RABEP1: variants seen among roughly 807,000 people sequenced by gnomAD.
RABEP1 encodes rabaptin, RAB GTPase binding effector protein 1.
In RABEP1, 51 loss-of-function variants were observed where a neutral mutation model predicts 123.4. The observed-to-expected ratio is 0.41, with a 90% CI of 0.33 to 0.52. The LOEUF is 0.52. RABEP1 is among the 20% of genes least tolerant of loss of function. The pLI is 0.16. For missense variants in RABEP1, 888 were observed against 996.3 expected, an observed-to-expected ratio of 0.89 and a Z score of 1.46; for synonymous variants, 347 against 355.2, an observed-to-expected ratio of 0.98 and a Z score of 0.26.
chr17:5,337,533 T>TA (rs201609240), intron 4 of RABEP1, among the ~76,000 whole-genome samples: 40 of 148,990 alleles, frequency 2.7e-4, no homozygotes, highest in African/African-American at 7.6e-4. Flanking sequence ...AAAATAATAA[T>TA]AAAAAAAAAA....
At chr17:5,331,617 C>T (rs1906553858) in intron 2 of RABEP1, among the ~76,000 whole-genome samples, 2 of 152,144 alleles carry the variant, frequency 1.3e-5, no homozygotes, top group East Asian at 3.9e-4. Flanking sequence ...AATAAATTAT[C>T]ATTACAACAA....
chr17:5,306,628 A>G (rs78677878), intron 1 of RABEP1, among the ~76,000 whole-genome samples: 1 of 48,126 alleles, frequency 2.1e-5, no homozygotes, highest in Admixed American at 1.9e-4. Context: ...ACTCTGTCTG[A>G]AAAAAAAAAA....
chr17:5,287,472 G>A (rs1335938392), intron 1 of RABEP1, among the ~76,000 whole-genome samples: 2 of 151,890 alleles, frequency 1.3e-5, no homozygotes, highest in African/African-American at 2.4e-5. Flanking sequence ...GGTGGCACGC[G>A]CCTGTAATCC....
intron 13 of RABEP1, among the ~76,000 whole-genome samples, chr17:5,375,889 T>TA (rs201633896): frequency 8.6e-5 from 13 of 151,868 alleles, no homozygotes; most frequent in African/African-American, 2.9e-4. Context: ...TTTATTTATT[T>TA]TGAGACAGAG....
intron 2 of RABEP1, among the ~76,000 whole-genome samples, chr17:5,312,494 A>C (rs1342786040): frequency 6.6e-6 from 1 of 152,158 alleles, no homozygotes; most frequent in Non-Finnish European, 1.5e-5. Flanking sequence ...AACCATAGTA[A>C]AATACTATAT....
rs985705653 is a variant in RABEP1, at chr17:5,282,301, G to C, written c.-186G>C. 4.8e-6 allele frequency: 2 copies of C among 412,872 alleles called. No individual in the cohort carries two copies. Among genetic ancestry groups the C allele is most frequent in the East Asian group, 7.1e-5 (2 of 28,002 alleles). 25.6% of individuals were successfully genotyped at this position (412,872 alleles called of 1,614,324 possible). On this transcript the variant is annotated 5_prime_UTR_variant, in exon 1 of 18. Transcript: ENST00000537505. ...TTCCCGCTGTCAGGATGAGGAGGCG[G>C]AGGTCGGCGGTCGGGTCCGTCTCTG...
chr17:5,335,153 T>C, intron 3 of RABEP1, 31 bp from the exon 4 acceptor site: 1 of 1,552,102 alleles, frequency 6.4e-7, no homozygotes, highest in Non-Finnish European at 8.7e-7. Context: ...TCATAATGCT[T>C]AGATGTGAAA....
At chr17:5,350,757 CT>C (rs1597376709) in intron 7 of RABEP1, 128 bp downstream of exon 7, 2 of 996,728 alleles carry the variant, frequency 2.0e-6, no homozygotes, top group East Asian at 2.8e-5. Context: ...ATATGTGCCA[CT>C]TTTAAAAACA....
intron 10 of RABEP1, 43 bp from the exon 11 acceptor site, chr17:5,365,079 A>G (rs1420190527): frequency 7.5e-7 from 1 of 1,334,966 alleles, no homozygotes; most frequent in Non-Finnish European, 1.0e-6. Flanking sequence ...AAAAAATTAT[A>G]AAAGGATTCT....
intron 2 of RABEP1, among the ~76,000 whole-genome samples, chr17:5,325,902 C>T (rs1471366560): frequency 6.6e-6 from 1 of 152,152 alleles, no homozygotes; most frequent in Non-Finnish European, 1.5e-5. Context: ...AAGACCCAAA[C>T]ACCTCACTAA....
chr17:5,285,868 TATC>T (rs76525749), intron 1 of RABEP1, among the ~76,000 whole-genome samples: 92,251 of 151,732 alleles, frequency 0.61, 29,736 homozygotes, highest in East Asian at 0.97. Flanking sequence ...AAGACGATCT[TATC>T]ATATGCATGT....
rs1049512142 is a variant in RABEP1, at chr17:5,309,429, G to A, written c.163+607G>A. 4.7e-5 allele frequency among the ~76,000 whole-genome samples: 7 copies of A among 150,242 alleles called. 1 individual carries two copies. The East Asian group carries it at 7.7e-4, about 17-fold the overall frequency. Reference sequence around the variant, plus strand: ...CTTTGGGAGGCCAACGGGCGGGGGCGGATCACCTGAGGTCGGGAGTTCAAG... The same window carrying A: ...CTTTGGGAGGCCAACGGGCGGGGGCAGATCACCTGAGGTCGGGAGTTCAAG... On this transcript the variant is annotated intron_variant, in intron 2 of 17. Transcript: ENST00000537505.
intron 2 of RABEP1, among the ~76,000 whole-genome samples, chr17:5,310,319 T>TTTTTTTTTTG (rs2075225193): frequency 6.7e-6 from 1 of 149,996 alleles, no homozygotes; most frequent in African/African-American, 2.4e-5. Flanking sequence ...TTTTTTTTTT[T>TTTTTTTTTTG]GAGATGGGAG....
intron 1 of RABEP1, among the ~76,000 whole-genome samples, chr17:5,306,215 CAGAA>C (rs2075178231): frequency 6.9e-6 from 1 of 144,712 alleles, no homozygotes; most frequent in Admixed American, 6.9e-5. Flanking sequence ...AATCTTCTAA[CAGAA>C]AGCCTATTGT....
chr17:5,329,157 C>T (rs1906275939), intron 2 of RABEP1, among the ~76,000 whole-genome samples: 1 of 151,202 alleles, frequency 6.6e-6, no homozygotes, highest in Non-Finnish European at 1.5e-5. Flanking sequence ...TTTAGAGATG[C>T]ATCTGTACAG....
intron 5 of RABEP1, among the ~76,000 whole-genome samples, chr17:5,343,717 C>A (rs1421550850): frequency 8.0e-6 from 1 of 125,554 alleles, no homozygotes; most frequent in African/African-American, 3.2e-5. Context: ...GCTGTGTTGC[C>A]TAGGCTGGAG....
chr17:5,293,201 C>T lies in RABEP1; in HGVS notation c.34+10681C>T, dbSNP rs1002413154. On this transcript the variant is annotated intron_variant, in intron 1 of 17. Coordinates refer to ENST00000537505, the MANE Select transcript of RABEP1 (RefSeq NM_004703.6). ...ACTTGGGAGGGTGAGGCACGAGAAT[C>T]GCTTGAATCTGGGAGGTAGAGGTTG... 3.5e-4 allele frequency among the ~76,000 whole-genome samples: 53 copies of T among 151,994 alleles called. 1 individual carries two copies. The highest frequency in any genetic ancestry group is 1.2e-3 in the African/African-American group (51 of 41,490).
chr17:5,318,837 A>G (rs1026716165), intron 2 of RABEP1, among the ~76,000 whole-genome samples: 1 of 152,172 alleles, frequency 6.6e-6, no homozygotes, highest in Non-Finnish European at 1.5e-5. Context: ...CAATCCAACA[A>G]TGTATAAAAG....
intron 2 of RABEP1, among the ~76,000 whole-genome samples, chr17:5,314,748 G>A (rs1423731910): frequency 6.6e-6 from 1 of 152,190 alleles, no homozygotes; most frequent in Non-Finnish European, 1.5e-5. Flanking sequence ...TCGATCTCCT[G>A]ACCTTGTGAT....
Sources: allele counts gnomAD v4.1 joint callset (sites outside exome capture counted in the v4.1 genomes callset), GRCh38; gene constraint gnomAD v4.1.1; transcripts MANE v1.5; gene names NCBI Gene and HGNC (gene_info 2026-07-23, HGNC 2026-07-21).